Variants in GNB4 observed in about 807,000 individuals in gnomAD.
GNB4 encodes G protein subunit beta 4.
Under a neutral mutation model 45.2 loss-of-function variants are expected in GNB4, and 28 were observed. That is an observed-to-expected ratio of 0.62 (90% confidence interval 0.46 to 0.85). The LOEUF (loss-of-function observed/expected upper bound fraction) is 0.85. Among genes scored for constraint, GNB4 ranks in the 40% least tolerant of loss-of-function variants. The probability of loss-of-function intolerance (pLI) is 0.00; values close to 1 mark genes in which losing one functional copy is unlikely to be tolerated. For missense variants in GNB4, 321 were observed against 425.4 expected, an observed-to-expected ratio of 0.75 and a Z score of 2.16; for synonymous variants, 132 against 143.7, an observed-to-expected ratio of 0.92 and a Z score of 0.58.
the GNB4 span, among the ~76,000 whole-genome samples, chr3:179,471,068 A>C: frequency 6.6e-6 from 1 of 151,498 alleles, no homozygotes; most frequent in African/African-American, 2.4e-5. Context: ...AGTCCCAGCT[A>C]CTCGGCAGGC....
intron 2 of GNB4, among the ~76,000 whole-genome samples, chr3:179,425,378 A>C (rs1423217099): frequency 6.6e-6 from 1 of 152,222 alleles, no homozygotes; most frequent in Non-Finnish European, 1.5e-5. Context: ...AATTTTGTTA[A>C]AGATGGAGTT....
the GNB4 span, among the ~76,000 whole-genome samples, chr3:179,525,632 G>A: frequency 6.6e-5 from 10 of 152,274 alleles, no homozygotes; most frequent in South Asian, 2.1e-4. Flanking sequence ...AGGCGTCCCC[G>A]CAGGGATTAA....
chr3:179,409,125 TAA>T lies in GNB4; in HGVS notation c.700-3721_700-3720del, dbSNP rs35623624. Among the ~76,000 whole-genome samples, 345 of 134,102 alleles carry T rather than the reference TAA, an allele frequency of 2.6e-3. 1 individual carries two copies. Among genetic ancestry groups the T allele is most frequent in the Middle Eastern group, 7.5e-3 (2 of 268 alleles). The allele number at this position is 134,102 out of a possible 152,430, so 88.0% of individuals were successfully genotyped here. A position where few individuals can be genotyped will look rare whatever the true frequency, so the allele number is the denominator to read the frequency against. On this transcript the variant is annotated intron_variant, in intron 8 of 9. Coordinates refer to ENST00000232564, the MANE Select transcript of GNB4 (RefSeq NM_021629.4). ...CAGCCTGGGTGACAGTGAAACCCAGTAAAAAAAAAAAAAAAAAATTATGGCTT... is the reference window on the plus strand; with the variant it reads ...CAGCCTGGGTGACAGTGAAACCCAGTAAAAAAAAAAAAAAAATTATGGCTT...
chr3:179,448,507 T>C (rs1321922600), intron 1 of GNB4, among the ~76,000 whole-genome samples: 1 of 152,120 alleles, frequency 6.6e-6, no homozygotes, highest in Non-Finnish European at 1.5e-5. Flanking sequence ...GTTTATATTA[T>C]TCACATAAAT....
intron 1 of GNB4, among the ~76,000 whole-genome samples, chr3:179,436,273 C>G (rs1363780975): frequency 6.6e-6 from 1 of 152,128 alleles, no homozygotes; most frequent in Non-Finnish European, 1.5e-5. Context: ...GCCTATAATC[C>G]CAGCTACTCC....
chr3:179,452,161 A>G (rs1301565121), upstream of GNB4, among the ~76,000 whole-genome samples: 1 of 151,816 alleles, frequency 6.6e-6, no homozygotes, highest in Non-Finnish European at 1.5e-5. Context: ...CCTTCCAGAT[A>G]TCCCTGCCAA....
chr3:179,453,226 G>A (rs1330965467), upstream of GNB4, among the ~76,000 whole-genome samples: 3 of 152,100 alleles, frequency 2.0e-5, no homozygotes, highest in South Asian at 4.1e-4. Context: ...GGATTCAAGC[G>A]ATTCTCGTGT....
chr3:179,521,597 G>A, the GNB4 span, among the ~76,000 whole-genome samples: 4 of 152,158 alleles, frequency 2.6e-5, no homozygotes, highest in Non-Finnish European at 4.4e-5. Context: ...TACGCTGCCA[G>A]TTTACACTGT....
chr3:179,506,182 A>G, the GNB4 span, among the ~76,000 whole-genome samples: 2 of 152,012 alleles, frequency 1.3e-5, no homozygotes, highest in East Asian at 3.9e-4. Context: ...GTGTCAATAT[A>G]AAAAAATTAG....
chr3:179,428,411 C>T (rs900708796), intron 1 of GNB4, among the ~76,000 whole-genome samples: 1 of 152,170 alleles, frequency 6.6e-6, no homozygotes, highest in Non-Finnish European at 1.5e-5. Flanking sequence ...GGTCTGGAAT[C>T]CCATTCCGCT....
At chr3:179,410,169 C>G (rs924658106) in intron 8 of GNB4, among the ~76,000 whole-genome samples, 1 of 152,170 alleles carries the variant, frequency 6.6e-6, no homozygotes, top group Admixed American at 6.5e-5. Context: ...AACCTCTTCT[C>G]TTTATAAATT....
chr3:179,520,219 G>A, the GNB4 span, among the ~76,000 whole-genome samples: 1,989 of 141,224 alleles, frequency 0.014, 75 homozygotes, highest in African/African-American at 0.05. Flanking sequence ...CTGTACTGCC[G>A]CAAGGCTTCA....
At chr3:179,473,947 T>C in the GNB4 span, among the ~76,000 whole-genome samples, 4 of 152,176 alleles carry the variant, frequency 2.6e-5, no homozygotes, top group Non-Finnish European at 5.9e-5. Context: ...GAAAAGATGA[T>C]TTTTGGTTGA....
chr3:179,474,656 G>C, the GNB4 span, among the ~76,000 whole-genome samples: 1 of 148,518 alleles, frequency 6.7e-6, no homozygotes, highest in Non-Finnish European at 1.5e-5. Context: ...TATCACATTA[G>C]AGTACTGTGA....
the GNB4 span, among the ~76,000 whole-genome samples, chr3:179,477,423 C>G: frequency 6.6e-6 from 1 of 152,118 alleles, no homozygotes; most frequent in African/African-American, 2.4e-5. Context: ...CCATAAAGCC[C>G]TCAGGTTGGA....
the GNB4 span, among the ~76,000 whole-genome samples, chr3:179,509,504 C>T: frequency 3.3e-5 from 5 of 152,008 alleles, no homozygotes; most frequent in African/African-American, 7.3e-5. Context: ...TAGGGGTTGA[C>T]GTTCTCAAGT....
At chr3:179,465,555 T>C in the GNB4 span, among the ~76,000 whole-genome samples, 9 of 152,112 alleles carry the variant, frequency 5.9e-5, no homozygotes, top group Admixed American at 1.3e-4. Context: ...CCAAGGGCTC[T>C]GTTTTTTCCA....
intron 1 of GNB4, among the ~76,000 whole-genome samples, chr3:179,444,428 T>G (rs1186527929): frequency 2.6e-5 from 4 of 151,214 alleles, no homozygotes; most frequent in South Asian, 4.2e-4. Flanking sequence ...AGGGTGTTTT[T>G]TTTTTTTTTT....
In GNB4 at chr3:179,399,982, C is replaced by T. The variant is rs1009602164; in HGVS notation, c.*1231G>A. The T allele has an allele frequency of 1.3e-5, 2 of 152,224 alleles. No homozygotes were observed. Among genetic ancestry groups the T allele is most frequent in the African/African-American group, 4.8e-5 (2 of 41,454 alleles). 9.4% of individuals were successfully genotyped at this position (152,224 alleles called of 1,614,324 possible). A position where few individuals can be genotyped will look rare whatever the true frequency, so the allele number is the denominator to read the frequency against. On this transcript the variant is annotated 3_prime_UTR_variant, in exon 10 of 10. Transcript: ENST00000232564. ...AAAACTGTTTAATATAGCTCTCTAA[C>T]TCCTTTAAGAACTGCTTTAGGAATT...
Sources: allele counts gnomAD v4.1 joint callset (sites outside exome capture counted in the v4.1 genomes callset), GRCh38; gene constraint gnomAD v4.1.1; transcripts MANE v1.5; gene names NCBI Gene and HGNC (gene_info 2026-07-23, HGNC 2026-07-21).